Variants in ROBO2 observed in about 807,000 individuals in gnomAD.
ROBO2 encodes roundabout guidance receptor 2, also known as roundabout homolog 2.
Under a neutral mutation model 160.8 loss-of-function variants are expected in ROBO2, and 53 were observed. The ratio of observed to expected loss-of-function variants is 0.33; its 90% CI spans 0.26 to 0.41. ROBO2 has a LOEUF of 0.41. ROBO2 is among the 10% of genes least tolerant of loss of function. The pLI, the probability that ROBO2 is intolerant of heterozygous loss-of-function variation, is 1.00. For synonymous variants in ROBO2, 664 were observed against 611.7 expected (o/e 1.09, Z -1.26); for missense variants, 1,577 against 1,722.4 (o/e 0.92, Z 1.49).
chr3:77,286,217 C>A (rs2060583191), intron 2 of ROBO2, among the ~76,000 whole-genome samples: 1 of 150,740 alleles, frequency 6.6e-6, no homozygotes, highest in Admixed American at 6.6e-5. Flanking sequence ...TAAAATACCC[C>A]CAAAAGTAAT....
intron 2 of ROBO2, among the ~76,000 whole-genome samples, chr3:77,425,950 A>G (rs764276716): frequency 4.6e-5 from 7 of 152,144 alleles, no homozygotes; most frequent in Non-Finnish European, 1.0e-4. Flanking sequence ...GGAATGAGCC[A>G]CAGCGCCCAG....
intron 2 of ROBO2, among the ~76,000 whole-genome samples, chr3:75,989,493 C>A (rs558345749): frequency 1.1e-4 from 17 of 152,200 alleles, no homozygotes; most frequent in African/African-American, 4.1e-4. Context: ...GCTTCTCAAA[C>A]ACAGCTCAAA....
intron 2 of ROBO2, among the ~76,000 whole-genome samples, chr3:75,961,697 T>C (rs897172910): frequency 6.6e-6 from 1 of 151,650 alleles, no homozygotes; most frequent in Non-Finnish European, 1.5e-5. Flanking sequence ...GATTTTTTTA[T>C]GCTATCTCAT....
chr3:76,466,910 A>C (rs950890215), intron 2 of ROBO2, among the ~76,000 whole-genome samples: 2 of 152,056 alleles, frequency 1.3e-5, no homozygotes, highest in African/African-American at 4.8e-5. Context: ...ATGTATGTAC[A>C]GATACAAATT....
intron 2 of ROBO2, among the ~76,000 whole-genome samples, chr3:77,159,374 A>G (rs1029400961): frequency 2.6e-4 from 40 of 152,230 alleles, no homozygotes; most frequent in African/African-American, 9.1e-4. Context: ...ACTACATTTT[A>G]GTGATGAATT....
intron 1 of ROBO2, among the ~76,000 whole-genome samples, chr3:77,051,813 G>A (rs890827160): frequency 8.5e-5 from 13 of 152,202 alleles, no homozygotes; most frequent in Non-Finnish European, 8.8e-5. Flanking sequence ...TGAACTATAA[G>A]GGGAGGGGAC....
At chr3:76,385,187 G>T (rs2108591829) in intron 2 of ROBO2, among the ~76,000 whole-genome samples, 1 of 152,070 alleles carries the variant, frequency 6.6e-6, no homozygotes, top group South Asian at 2.1e-4. Context: ...TAGAGACAGG[G>T]CTTCTCCATG....
intron 2 of ROBO2, among the ~76,000 whole-genome samples, chr3:76,015,940 CAT>C (rs2066393569): frequency 6.6e-6 from 1 of 152,138 alleles, no homozygotes; most frequent in Non-Finnish European, 1.5e-5. Flanking sequence ...TTTTTGCACA[CAT>C]AGTCTTATAT....
intron 2 of ROBO2, among the ~76,000 whole-genome samples, chr3:76,198,305 C>T (rs1702357555): frequency 6.6e-6 from 1 of 152,088 alleles, no homozygotes; most frequent in Non-Finnish European, 1.5e-5. Flanking sequence ...CCTCATCACA[C>T]CCTCCTCCCT....
intron 2 of ROBO2, among the ~76,000 whole-genome samples, chr3:76,064,371 C>G (rs1207592220): frequency 1.3e-5 from 2 of 152,110 alleles, no homozygotes; most frequent in Non-Finnish European, 2.9e-5. Context: ...TCTGGCCTCT[C>G]CCATTATAGA....
At chr3:76,858,069 C>T (rs1486257275) in intron 2 of ROBO2, among the ~76,000 whole-genome samples, 1 of 151,922 alleles carries the variant, frequency 6.6e-6, no homozygotes, top group African/African-American at 2.4e-5. Flanking sequence ...TCCCTGGATC[C>T]CCATTATACC....
chr3:76,316,157 C>T lies in ROBO2; in HGVS notation c.109+378555C>T, dbSNP rs181222218. Among the ~76,000 whole-genome samples, 11 of 152,270 alleles carry T rather than the reference C, an allele frequency of 7.2e-5. No homozygotes were observed. In the East Asian group the frequency reaches 2.1e-3, roughly 29 times the overall value. ...CGTATTGTCTTGATAAACATCTTAA[C>T]AGGAAACAGGGTTCGAGAGCAGAGA... On this transcript the variant is annotated intron_variant, in intron 2 of 26. Coordinates refer to the ROBO2 transcript ENST00000487694.
chr3:77,159,858 A>G (rs1218623668), intron 2 of ROBO2, among the ~76,000 whole-genome samples: 2 of 152,292 alleles, frequency 1.3e-5, no homozygotes, highest in African/African-American at 4.8e-5. Flanking sequence ...TATATTTCAA[A>G]TTCCTATACT....
intron 2 of ROBO2, among the ~76,000 whole-genome samples, chr3:76,272,724 A>T (rs1707525682): frequency 1.0e-5 from 1 of 99,028 alleles, no homozygotes; most frequent in South Asian, 2.8e-4. Context: ...TATTATATAC[A>T]CATATAAATA....
At chr3:76,433,117 T>A (rs974779185) in intron 2 of ROBO2, among the ~76,000 whole-genome samples, 1 of 152,204 alleles carries the variant, frequency 6.6e-6, no homozygotes, top group Non-Finnish European at 1.5e-5. Context: ...TTCTCATATA[T>A]CTGCAGTTAA....
chr3:76,842,871 G>A (rs527738737), intron 2 of ROBO2, among the ~76,000 whole-genome samples: 165 of 152,030 alleles, frequency 1.1e-3, no homozygotes, highest in Non-Finnish European at 2.1e-3. Flanking sequence ...AGCTTGACAT[G>A]AATGAGTTAT....
intron 2 of ROBO2, among the ~76,000 whole-genome samples, chr3:77,028,727 G>GA (rs1559866174): frequency 2.0e-5 from 3 of 151,626 alleles, no homozygotes; most frequent in African/African-American, 7.3e-5. Flanking sequence ...TCAAAAAAAA[G>GA]AAAAAAAATC....
Position 76,120,678 on chromosome 3 carries a change from T to C in ROBO2, c.109+183076T>C, listed in dbSNP as rs112077827. ...CATATAGAAAGTACTCCTTATATAT[T>C]TGTTGGCCATCTAAGAATCTATTAT... is the stretch of plus-strand genomic sequence containing the variant. On this transcript the variant is annotated intron_variant, in intron 2 of 26. Transcript: ENST00000487694. Among the ~76,000 whole-genome samples the C allele has an allele frequency of 2.8e-3, 433 of 152,290 alleles. 1 individual carries two copies. The highest frequency in any genetic ancestry group is 9.7e-3 in the African/African-American group (403 of 41,578).
At chr3:77,486,418 C>A (rs954317671) in intron 4 of ROBO2, among the ~76,000 whole-genome samples, 4 of 152,182 alleles carry the variant, frequency 2.6e-5, no homozygotes, top group African/African-American at 9.7e-5. Context: ...TGCGACCTCA[C>A]CAGCATCTGT....
Sources: allele counts gnomAD v4.1 joint callset (sites outside exome capture counted in the v4.1 genomes callset), GRCh38; gene constraint gnomAD v4.1.1; transcripts MANE v1.5; gene names NCBI Gene and HGNC (gene_info 2026-07-23, HGNC 2026-07-21).